DYNC2I2: variants seen among roughly 807,000 people sequenced by gnomAD.
DYNC2I2 encodes cytoplasmic dynein 2 intermediate chain 2.
DYNC2I2 carries 39 observed loss-of-function variants against 52.0 expected under a neutral mutation model. The ratio of observed to expected loss-of-function variants is 0.75; its 90% CI spans 0.58 to 0.98. The LOEUF is 0.98. DYNC2I2 is among the 50% of genes least tolerant of loss of function. The pLI, the probability that DYNC2I2 is intolerant of heterozygous loss-of-function variation, is 0.00. For synonymous variants in DYNC2I2, 359 were observed against 321.1 expected (o/e 1.12, Z -1.26); for missense variants, 743 against 728.4 (o/e 1.02, Z -0.23).
chr9:128,673,741 C>T, the DYNC2I2 span, among the ~76,000 whole-genome samples: 3 of 151,488 alleles, frequency 2.0e-5, no homozygotes, highest in Non-Finnish European at 4.4e-5. Context: ...CTCCTGACCT[C>T]GTGATCCGCC....
intron 8 of DYNC2I2, 117 bp from the exon 9 acceptor site, chr9:128,634,099 G>A (rs1860291403): frequency 6.5e-7 from 1 of 1,549,906 alleles, no homozygotes; most frequent in Non-Finnish European, 8.8e-7. Context: ...GCTTTGAGTT[G>A]GGTTGCTGGA....
chr9:128,674,335 C>G, the DYNC2I2 span, among the ~76,000 whole-genome samples: 1 of 151,884 alleles, frequency 6.6e-6, no homozygotes, highest in East Asian at 2.0e-4. Context: ...GGGGTTTCAC[C>G]GTGTTAGCCA....
chr9:128,655,994 G>A (rs1040760614), intron 1 of DYNC2I2, among the ~76,000 whole-genome samples: 24 of 151,330 alleles, frequency 1.6e-4, no homozygotes, highest in Non-Finnish European at 3.1e-4. Context: ...GACAGCTTAA[G>A]CCCAGGAGTT....
In DYNC2I2 at chr9:128,651,026, A is replaced by ATG. The variant is rs1411462204; in HGVS notation, c.186+5513_186+5514dup. On this transcript the variant is annotated intron_variant, in intron 1 of 8. Coordinates refer to ENST00000372715, the MANE Select transcript of DYNC2I2 (RefSeq NM_052844.4). ...GCCACCTCTGCCCCCTCCTCGGAGC[A>ATG]TGTCGGGAAGCGGCATGAGATCTTT... 1.2e-4 allele frequency: 7 copies of ATG among 57,812 alleles called. 3 individuals carry two copies. Among genetic ancestry groups the ATG allele is most frequent in the African/African-American group, 2.4e-4 (7 of 29,130 alleles). 3.6% of individuals were successfully genotyped at this position (57,812 alleles called of 1,614,324 possible).
the DYNC2I2 span, among the ~76,000 whole-genome samples, chr9:128,682,672 CTTTTT>C: frequency 1.2e-4 from 14 of 120,628 alleles, no homozygotes; most frequent in African/African-American, 4.8e-4. Flanking sequence ...GGGACCTTGT[CTTTTT>C]TTTTTTTTTT....
chr9:128,641,445 A>C (rs1328181897), intron 1 of DYNC2I2, among the ~76,000 whole-genome samples: 1 of 152,212 alleles, frequency 6.6e-6, no homozygotes, highest in East Asian at 1.9e-4. Context: ...GCTAGGTGGG[A>C]GGCAGAGCAC....
At chr9:128,655,381 G>A (rs1167398452) in intron 1 of DYNC2I2, among the ~76,000 whole-genome samples, 83 of 142,240 alleles carry the variant, frequency 5.8e-4, no homozygotes, top group Non-Finnish European at 1.2e-3. Context: ...CGTGGTGGCG[G>A]GCGCCTGTAG....
chr9:128,635,925 C>A, intron 4 of DYNC2I2, 158 bp from the exon 5 acceptor site: 1 of 720,830 alleles, frequency 1.4e-6, no homozygotes, highest in Non-Finnish European at 2.4e-6. Flanking sequence ...GTCCTAGCCC[C>A]CAGCTCCCCT....
upstream of DYNC2I2, among the ~76,000 whole-genome samples, chr9:128,658,355 G>C (rs1162517469): frequency 6.6e-6 from 1 of 151,900 alleles, no homozygotes; most frequent in East Asian, 1.9e-4. Flanking sequence ...TAGTAGAGAA[G>C]GGTTTCACCA....
At chr9:128,657,600 C>T (rs893976918), upstream of DYNC2I2, among the ~76,000 whole-genome samples, 4 of 151,748 alleles carry the variant, frequency 2.6e-5, no homozygotes, top group East Asian at 3.9e-4. Flanking sequence ...GCCAGGAGTT[C>T]GAAACCAGCC....
chr9:128,674,336 G>A, the DYNC2I2 span, among the ~76,000 whole-genome samples: 5 of 151,898 alleles, frequency 3.3e-5, no homozygotes, highest in African/African-American at 1.2e-4. Context: ...GGGTTTCACC[G>A]TGTTAGCCAG....
intron 1 of DYNC2I2, among the ~76,000 whole-genome samples, chr9:128,655,012 CTCTGA>C (rs1019578288): frequency 3.3e-5 from 5 of 152,014 alleles, no homozygotes; most frequent in African/African-American, 1.2e-4. Context: ...CCGTCTTCTT[CTCTGA>C]TGAGTCCCCA....
chr9:128,636,125 T>G, intron 4 of DYNC2I2, 156 bp downstream of exon 4: 1 of 1,168,624 alleles, frequency 8.6e-7, no homozygotes, highest in Non-Finnish European at 1.2e-6. Flanking sequence ...CCCTCAGGGC[T>G]CACTGCAGAC....
At chr9:128,636,552 A>G (rs1284610580) in intron 3 of DYNC2I2, 114 bp from the exon 4 acceptor site, 11 of 1,246,276 alleles carry the variant, frequency 8.8e-6, no homozygotes, top group Non-Finnish European at 1.0e-5. Flanking sequence ...TCACCACCAG[A>G]CACTACTCTG....
At chr9:128,662,488 T>G in the DYNC2I2 span, among the ~76,000 whole-genome samples, 3 of 152,082 alleles carry the variant, frequency 2.0e-5, no homozygotes, top group South Asian at 6.2e-4. Flanking sequence ...CTCGGCTCAC[T>G]GCAACCTACT....
the DYNC2I2 span, among the ~76,000 whole-genome samples, chr9:128,677,331 A>G: frequency 6.6e-6 from 1 of 152,096 alleles, no homozygotes; most frequent in Non-Finnish European, 1.5e-5. Flanking sequence ...TAAAAATACA[A>G]TAAACTAGCC....
At chr9:128,678,327 C>G in the DYNC2I2 span, among the ~76,000 whole-genome samples, 5 of 151,676 alleles carry the variant, frequency 3.3e-5, no homozygotes, top group African/African-American at 1.2e-4. Flanking sequence ...CTCGGCATCC[C>G]AAAGTGCTGG....
chr9:128,644,983 T>C (rs181697676), intron 1 of DYNC2I2, among the ~76,000 whole-genome samples: 1 of 152,286 alleles, frequency 6.6e-6, no homozygotes, highest in African/African-American at 2.4e-5. Context: ...ATTTGACGGC[T>C]CCACTGACCA....
At chr9:128,682,292 C>T in the DYNC2I2 span, among the ~76,000 whole-genome samples, 1 of 151,992 alleles carries the variant, frequency 6.6e-6, no homozygotes, top group South Asian at 2.1e-4. Flanking sequence ...TCGTGATCCA[C>T]CCGCATCAGC....
Sources: allele counts gnomAD v4.1 joint callset (sites outside exome capture counted in the v4.1 genomes callset), GRCh38; gene constraint gnomAD v4.1.1; transcripts MANE v1.5; gene names NCBI Gene and HGNC (gene_info 2026-07-23, HGNC 2026-07-21).